UNC45A: variants seen among roughly 807,000 people sequenced by gnomAD.
UNC45A encodes protein unc-45 homolog A.
UNC45A carries 78 observed loss-of-function variants against 103.2 expected under a neutral mutation model. The ratio of observed to expected loss-of-function variants is 0.76; its 90% CI spans 0.63 to 0.91. The LOEUF (loss-of-function observed/expected upper bound fraction) is 0.91. Ranked by LOEUF, UNC45A falls within the 40% of genes least tolerant of loss-of-function variation. The pLI is 0.00. For missense variants in UNC45A, 1,193 were observed against 1,224.8 expected (o/e 0.97, Z 0.39); for synonymous variants, 495 against 504.6 (o/e 0.98, Z 0.25).
At chr15:90,949,111 C>T (rs566462546) in intron 13 of UNC45A, among the ~76,000 whole-genome samples, 5 of 152,128 alleles carry the variant, frequency 3.3e-5, no homozygotes, top group South Asian at 2.1e-4. Flanking sequence ...CTCCTGACCT[C>T]GTGATCCGCC....
intron 6 of UNC45A, among the ~76,000 whole-genome samples, chr15:90,942,218 G>C (rs1012618373): frequency 5.3e-5 from 8 of 152,292 alleles, no homozygotes; most frequent in Admixed American, 5.2e-4. Flanking sequence ...AGAGGTAGTA[G>C]GGCATTGCCG....
At chr15:90,942,118 G>A (rs1009180190) in intron 6 of UNC45A, among the ~76,000 whole-genome samples, 3 of 152,122 alleles carry the variant, frequency 2.0e-5, no homozygotes, top group Admixed American at 6.6e-5. Flanking sequence ...AGGTAGCTTC[G>A]TCTAGGTATA....
chr15:90,935,130 G>C (rs975824504), upstream of UNC45A: 7 of 614,340 alleles, frequency 1.1e-5, no homozygotes, highest in East Asian at 1.1e-4. Flanking sequence ...AGGTGCGCCC[G>C]GAGCTTGCCT....
chr15:90,930,426 G>C (rs1372089207), upstream of UNC45A: 1 of 152,332 alleles, frequency 6.6e-6, no homozygotes, highest in Non-Finnish European at 1.5e-5. Flanking sequence ...GTGCAGTGGC[G>C]CGATCTCGGC....
Position 90,953,834 on chromosome 15 carries a change from C to A in UNC45A, c.*118C>A. ...CATGCCCAATACTCTTGCCCATCCTCGCTTGCTGCCCTAGGATGTCCTCTG... is the reference window on the plus strand; with the variant it reads ...CATGCCCAATACTCTTGCCCATCCTAGCTTGCTGCCCTAGGATGTCCTCTG... On this transcript the variant is annotated 3_prime_UTR_variant, in exon 20 of 20. Transcript: ENST00000418476. 7.1e-7 allele frequency: 1 copy of A among 1,407,926 alleles called. No homozygotes were observed. 87.2% of individuals were successfully genotyped at this position (1,407,926 alleles called of 1,614,324 possible).
At chr15:90,944,689 T>C (rs1401804707) in intron 8 of UNC45A, among the ~76,000 whole-genome samples, 2 of 152,230 alleles carry the variant, frequency 1.3e-5, no homozygotes, top group Non-Finnish European at 2.9e-5. Flanking sequence ...CAGGCCTCAC[T>C]TCTGAGGTCC....
At chr15:90,948,100 C>T (rs1463760789) in intron 11 of UNC45A, 42 bp from the exon 12 acceptor site, 1 of 1,610,970 alleles carries the variant, frequency 6.2e-7, no homozygotes, top group Non-Finnish European at 8.5e-7. Context: ...CCCCTCCGTA[C>T]CCCCAATCCT....
intron 10 of UNC45A, chr15:90,947,310 TGGTTTGGG>T: frequency 3.9e-6 from 1 of 255,070 alleles, no homozygotes; most frequent in Non-Finnish European, 7.7e-6. Flanking sequence ...TGGGAGCTGG[TGGTTTGGG>T]GGTTTGGGGA....
upstream of UNC45A, chr15:90,932,646 G>C (rs1221787341): frequency 1.7e-6 from 1 of 605,656 alleles, no homozygotes; most frequent in Non-Finnish European, 2.4e-6. Flanking sequence ...AATTCAGCGG[G>C]CCGAGTTGGG....
upstream of UNC45A, chr15:90,935,186 C>T: frequency 2.4e-6 from 2 of 849,554 alleles, no homozygotes; most frequent in Non-Finnish European, 3.7e-6. Flanking sequence ...CCCGGGCGCG[C>T]TCCCTCCTTA....
chr15:90,935,693 C>A lies in UNC45A; in HGVS notation c.201C>A (p.Cys67Ter). 1 of 1,560,880 alleles carries A rather than the reference C, an allele frequency of 6.4e-7. No individual in the cohort carries two copies. Among genetic ancestry groups the A allele is most frequent in the South Asian group, 1.2e-5 (1 of 83,170 alleles). Residue 67 changes from cysteine to a stop codon, truncating the protein, a stop_gained, in exon 2 of 20, where the codon TGC becomes TGA. Transcript: ENST00000418476. LOFTEE classifies it high-confidence loss of function. ...TTCTGCACCGGAACCGGGCCGCCTGCCACCTCAAGCTGGTGAGGGAGCCTG... is the reference window on the plus strand; with the variant it reads ...TTCTGCACCGGAACCGGGCCGCCTGACACCTCAAGCTGGTGAGGGAGCCTG... Reference protein sequence around the residue: ...QAVLHRNRAACHLKLEDYDKA... With the variant: ...QAVLHRNRAA
rs1193276366 is a variant in UNC45A at position 90,953,684 on chromosome 15, G to A, written c.2803G>A (p.Gly935Arg). ...AACLDKAVEYGLIQPNQDGE is the reference protein window; with the variant it reads ...AACLDKAVEYRLIQPNQDGE Reference sequence around the variant, plus strand: ...CTGCCTGGACAAAGCAGTGGAATATGGGCTTATCCAACCCAACCAAGATGG... The same window carrying A: ...CTGCCTGGACAAAGCAGTGGAATATAGGCTTATCCAACCCAACCAAGATGG... The change falls in exon 20 of 20, where the codon GGG becomes AGG. Residue 935 changes from glycine to arginine, a missense_variant. Transcript: ENST00000418476. 6.2e-7 allele frequency: 1 copy of A among 1,614,042 alleles called. No homozygotes were observed. Among genetic ancestry groups the A allele is most frequent in the Non-Finnish European group, 8.5e-7 (1 of 1,180,012 alleles).
chr15:90,945,161 A>C (rs752408398), intron 9 of UNC45A, 98 bp downstream of exon 9: 80 of 1,490,904 alleles, frequency 5.4e-5, no homozygotes, highest in Non-Finnish European at 7.1e-5. Context: ...CAGCAGAAAC[A>C]GTAATCTTGG....
At chr15:90,939,561 G>C (rs2036184974) in intron 4 of UNC45A, among the ~76,000 whole-genome samples, 170 bp from the exon 5 acceptor site, 1 of 152,206 alleles carries the variant, frequency 6.6e-6, no homozygotes, top group Non-Finnish European at 1.5e-5. Flanking sequence ...GGAAATTTAG[G>C]AGGCACTGCC....
At chr15:90,931,212 G>A (rs113365430), upstream of UNC45A, 2,187 of 1,528,006 alleles carry the variant, frequency 1.4e-3, 12 homozygotes, top group African/African-American at 0.016. Context: ...AAAAGATGGC[G>A]TATGAATCCT....
In UNC45A at chr15:90,942,989, C is replaced by G; in HGVS notation, c.934C>G (p.Arg312Gly). Residue 312 changes from arginine (R) to glycine (G), a missense_variant, in exon 8 of 20, where the codon CGA (arginine) becomes GGA (glycine). Coordinates refer to ENST00000418476, the MANE Select transcript of UNC45A (RefSeq NM_018671.5). ...AGAGGTGGGGGTCTCTGGCCAAGGCCGAGACAATGCCCTGACCCTCCTGAT... is the reference window on the plus strand; with the variant it reads ...AGAGGTGGGGGTCTCTGGCCAAGGCGGAGACAATGCCCTGACCCTCCTGAT... ...LTEVGVSGQG[R>G]DNALTLLIKA... is the part of the protein sequence containing the mutation. 2.5e-6 allele frequency: 4 copies of G among 1,614,156 alleles called. No homozygotes were observed. The highest frequency in any genetic ancestry group is 3.4e-6 in the Non-Finnish European group (4 of 1,180,024).
chr15:90,939,667 A>G (rs1230078649), intron 4 of UNC45A, 64 bp from the exon 5 acceptor site: 2 of 1,549,378 alleles, frequency 1.3e-6, no homozygotes, highest in Non-Finnish European at 1.8e-6. Context: ...AGACAAATGA[A>G]TAGGGAGTGT....
In UNC45A at chr15:90,943,015, T is replaced by G; in HGVS notation, c.960T>G (p.Ile320Met). Residue 320 changes from isoleucine to methionine, a missense_variant, in exon 8 of 20, where the codon ATT becomes ATG. Ile to Met is a conservative substitution (Grantham distance 10). Transcript: ENST00000418476. ...GAGACAATGCCCTGACCCTCCTGAT[T>G]AAAGCGGTGCCCCGGAAGTCTCTCA... The part of the protein sequence containing the change: ...QGRDNALTLL[I>M]KAVPRKSLKD... 1 of 1,614,142 alleles carries G rather than the reference T, an allele frequency of 6.2e-7. No homozygotes were observed. Among genetic ancestry groups the G allele is most frequent in the Non-Finnish European group, 8.5e-7 (1 of 1,180,024 alleles).
intron 13 of UNC45A, 90 bp downstream of exon 13, chr15:90,948,884 T>TC (rs1332372536): frequency 7.1e-7 from 1 of 1,404,368 alleles, no homozygotes; most frequent in East Asian, 2.5e-5. Context: ...CCTTTTTTTT[T>TC]TTTTTTTTTT....
Sources: gnomAD v4.1 joint callset for allele counts (sites outside exome capture counted in the v4.1 genomes callset) on GRCh38, gnomAD v4.1.1 for gene constraint, MANE v1.5 for transcripts, NCBI Gene and HGNC (gene_info 2026-07-23, HGNC 2026-07-21) for gene names.